Variants in AHDC1 observed in about 807,000 individuals in gnomAD.
AHDC1 encodes AT-hook DNA binding motif containing 1, also known as transcription factor Gibbin.
In AHDC1, 7 loss-of-function variants were observed where a neutral mutation model predicts 87.9. That is an observed-to-expected ratio of 0.08 (90% CI 0.05 to 0.15). The LOEUF (loss-of-function observed/expected upper bound fraction) is 0.15. Among genes scored for constraint, AHDC1 ranks in the 10% least tolerant of loss-of-function variants. The pLI is 1.00. For synonymous variants in AHDC1, 1,051 were observed against 1,006.8 expected, an observed-to-expected ratio of 1.04 and a Z score of -0.83; for missense variants, 1,841 against 2,253.2, an observed-to-expected ratio of 0.82 and a Z score of 3.70.
chr1:27,537,503 CAG>C (rs1451465007), intron 8 of AHDC1, among the ~76,000 whole-genome samples: 1 of 152,182 alleles, frequency 6.6e-6, no homozygotes, highest in African/African-American at 2.4e-5. Flanking sequence ...GACTGAGTGA[CAG>C]AGCGGGGACT....
chr1:27,562,711 C>G lies in AHDC1; in HGVS notation c.-628-3828G>C, dbSNP rs2020147203. Among the ~76,000 whole-genome samples, 1 of 152,178 alleles carries G rather than the reference C, an allele frequency of 6.6e-6. No homozygotes were observed. ...TTCCTCTGGCCAGCCCTTTGGGGCT[C>G]TGTGGTCTGCATGGGAAGGCCCCAC... On this transcript the variant is annotated intron_variant, in intron 3 of 8. Transcript: ENST00000673934. The surrounding 1 kb of genome is among the most constrained non-coding windows in gnomAD (Gnocchi z 4.4).
In AHDC1 at chr1:27,547,610, G is replaced by A; in HGVS notation, c.4506C>T (p.Ala1502=). The part of the protein sequence containing the change: ...LGRTEAACLS[A]PHLASPPATP... ...TGGCTGGTGGGCTAGCCAGGTGAGG[G>A]GCACTGAGGCACGCGGCCTCCGTCC... The change falls in exon 8 of 9, where the codon GCC becomes GCT. Residue 1502 remains alanine, a synonymous_variant. Transcript: ENST00000673934. The surrounding 1 kb of genome is among the most constrained non-coding windows in gnomAD (Gnocchi z 4.9). 1.2e-6 allele frequency: 2 copies of A among 1,603,524 alleles called. No individual in the cohort carries two copies. Among genetic ancestry groups the A allele is most frequent in the East Asian group, 2.3e-5 (1 of 44,340 alleles).
chr1:27,582,215 C>T (rs955063215), intron 3 of AHDC1, among the ~76,000 whole-genome samples: 4 of 152,220 alleles, frequency 2.6e-5, no homozygotes, highest in East Asian at 1.9e-4. Context: ...AACAGAACAG[C>T]GAATCCCACA....
At chr1:27,589,039 A>G (rs954955041) in intron 3 of AHDC1, among the ~76,000 whole-genome samples, 4 of 151,810 alleles carry the variant, frequency 2.6e-5, no homozygotes, top group Middle Eastern at 3.4e-3. Context: ...AAGGTAGGTA[A>G]GAGGTTTCAG....
intron 3 of AHDC1, among the ~76,000 whole-genome samples, chr1:27,577,213 G>A (rs886185637): frequency 1.3e-5 from 2 of 152,218 alleles, no homozygotes; most frequent in African/African-American, 4.8e-5. Flanking sequence ...CCGGGGATAG[G>A]ATCATAAATG....
chr1:27,593,770 G>A lies in AHDC1; in HGVS notation c.-629+9627C>T, dbSNP rs1009975078. ...ACAGCTGGGCTAAGCCAGTGCCTGC[G>A]GCTCCCCAGGGCACAAGAGGCAGGC... On this transcript the variant is annotated intron_variant, in intron 3 of 8. Transcript: ENST00000673934. The surrounding 1 kb of genome is among the most constrained non-coding windows in gnomAD (Gnocchi z 4.9). Among the ~76,000 whole-genome samples the A allele has an allele frequency of 1.3e-5, 2 of 152,200 alleles. No homozygotes were observed. The highest frequency in any genetic ancestry group is 2.9e-5 in the Non-Finnish European group (2 of 68,032).
At chr1:27,543,558 G>T (rs1049258713) in intron 8 of AHDC1, among the ~76,000 whole-genome samples, 29 of 152,182 alleles carry the variant, frequency 1.9e-4, no homozygotes, top group Non-Finnish European at 8.8e-5. Flanking sequence ...GTCTCCATGT[G>T]TGCAAACCTT....
intron 3 of AHDC1, among the ~76,000 whole-genome samples, chr1:27,597,414 C>T (rs1230584279): frequency 1.3e-5 from 2 of 151,130 alleles, no homozygotes; most frequent in Non-Finnish European, 3.0e-5. Flanking sequence ...CCTGTGTAGA[C>T]AGGTGTGACC....
At chr1:27,584,353 C>T (rs2088988375) in intron 3 of AHDC1, among the ~76,000 whole-genome samples, 1 of 152,214 alleles carries the variant, frequency 6.6e-6, no homozygotes, top group Non-Finnish European at 1.5e-5. Context: ...GCTAAACCTT[C>T]ATGTTTTATC....
intron 8 of AHDC1, among the ~76,000 whole-genome samples, chr1:27,543,870 G>C (rs1174547662): frequency 6.6e-6 from 1 of 151,990 alleles, no homozygotes; most frequent in Non-Finnish European, 1.5e-5. Flanking sequence ...TTGAACCCAG[G>C]AGGCAGAGGC....
chr1:27,542,487 C>T (rs777687969), intron 8 of AHDC1, among the ~76,000 whole-genome samples: 3 of 152,200 alleles, frequency 2.0e-5, no homozygotes, highest in Non-Finnish European at 2.9e-5. Context: ...GGTCAGAGGC[C>T]CCGGAGTTCA....
chr1:27,548,016 G>A lies in AHDC1; in HGVS notation c.4100C>T (p.Ser1367Leu), dbSNP rs1460429856. 5.6e-6 allele frequency: 9 copies of A among 1,610,416 alleles called. No individual in the cohort carries two copies. Among genetic ancestry groups the A allele is most frequent in the East Asian group, 2.2e-5 (1 of 44,790 alleles). ...GTFGQGFHCD[S>L]PSLGAPELDG... is the part of the protein sequence containing the mutation. ...AAGCTCGGGAGCACCCAGGCTGGGC[G>A]AGTCGCAGTGGAAGCCTTGGCCAAA... Residue 1367 changes from serine to leucine, a missense_variant, in exon 8 of 9, where the codon TCG becomes TTG. Coordinates refer to ENST00000673934, the MANE Select transcript of AHDC1 (RefSeq NM_001371928.1).
intron 8 of AHDC1, among the ~76,000 whole-genome samples, chr1:27,544,825 A>C (rs1183534154): frequency 1.3e-5 from 2 of 152,202 alleles, no homozygotes; most frequent in African/African-American, 4.8e-5. Flanking sequence ...TCCCTGCTTC[A>C]ACACTAGCCC....
chr1:27,543,274 T>C (rs1341164961), intron 8 of AHDC1, among the ~76,000 whole-genome samples: 1 of 152,234 alleles, frequency 6.6e-6, no homozygotes, highest in Non-Finnish European at 1.5e-5. Context: ...CCCCAGGGTC[T>C]GATAGGGTCG....
chr1:27,547,166 C>G lies in AHDC1; in HGVS notation c.*43+95G>C. On this transcript the variant is annotated intron_variant, in intron 8 of 8. Coordinates refer to ENST00000673934, the MANE Select transcript of AHDC1 (RefSeq NM_001371928.1). The surrounding 1 kb of genome is among the most constrained non-coding windows in gnomAD (Gnocchi z 4.9). ...GCCTTGCCCTTAAATCCTGCATTTG[C>G]TTCCTGCACTCCATACCTCTGTCCT... The G allele has an allele frequency of 1.1e-6, 1 of 880,796 alleles. No homozygotes were observed. Among genetic ancestry groups the G allele is most frequent in the Non-Finnish European group, 1.7e-6 (1 of 594,740 alleles). 54.6% of individuals were successfully genotyped at this position (880,796 alleles called of 1,614,324 possible). A position where few individuals can be genotyped will look rare whatever the true frequency, so the allele number is the denominator to read the frequency against.
intron 3 of AHDC1, among the ~76,000 whole-genome samples, chr1:27,575,209 G>A (rs2088681305): frequency 1.3e-5 from 2 of 152,194 alleles, no homozygotes; most frequent in African/African-American, 4.8e-5. Context: ...TACCTGGCAG[G>A]CTAAGCTGCC....
chr1:27,567,790 A>T (rs532341758), intron 3 of AHDC1, among the ~76,000 whole-genome samples: 4 of 152,116 alleles, frequency 2.6e-5, no homozygotes, highest in Non-Finnish European at 4.4e-5. Context: ...AGCTCCCCCA[A>T]CATCTCTCCC....
Position 27,552,196 on chromosome 1 carries a change from G to T in AHDC1, c.-74-7C>A. ...GAGAAGCCGGGACCAGGACCTGCCA[G>T]GCAGGAAGAGCAGGAGGTCCCTTAC... On this transcript the variant is annotated splice_polypyrimidine_tract_variant and splice_region_variant and intron_variant, in intron 7 of 8. Transcript: ENST00000673934. The T allele has an allele frequency of 7.0e-7, 1 of 1,423,258 alleles. No homozygotes were observed. The highest frequency in any genetic ancestry group is 1.4e-5 in the African/African-American group (1 of 69,462). The allele number at this position is 1,423,258 out of a possible 1,614,324, so 88.2% of individuals were successfully genotyped here. A position where few individuals can be genotyped will look rare whatever the true frequency, so the allele number is the denominator to read the frequency against.
In AHDC1 at chr1:27,560,665, T is replaced by C. The variant is rs74063743; in HGVS notation, c.-628-1782A>G. Among the ~76,000 whole-genome samples, 1 of 152,162 alleles carries C rather than the reference T, an allele frequency of 6.6e-6. No homozygotes were observed. Among genetic ancestry groups the C allele is most frequent in the African/African-American group, 2.4e-5 (1 of 41,476 alleles). Reference sequence around the variant, plus strand: ...GCATGTGTGGATTTGTGTGACCTTATTGTGTGTCTGTGTACCACAGCGTGT... The same window carrying C: ...GCATGTGTGGATTTGTGTGACCTTACTGTGTGTCTGTGTACCACAGCGTGT... On this transcript the variant is annotated intron_variant, in intron 3 of 8. Coordinates refer to ENST00000673934, the MANE Select transcript of AHDC1 (RefSeq NM_001371928.1). The surrounding 1 kb of genome is among the most constrained non-coding windows in gnomAD (Gnocchi z 4.1).
Sources: allele counts gnomAD v4.1 joint callset (sites outside exome capture counted in the v4.1 genomes callset), GRCh38; gene constraint gnomAD v4.1.1; non-coding constraint Gnocchi (gnomAD v3.1); transcripts MANE v1.5; gene names NCBI Gene and HGNC (gene_info 2026-07-23, HGNC 2026-07-21).